The following EPS15 variants were observed in gnomAD, a reference collection of about 807,000 sequenced individuals.
The protein encoded by EPS15 is epidermal growth factor receptor pathway substrate 15, also known as epidermal growth factor receptor substrate 15.
In EPS15, 72 loss-of-function variants were observed where a neutral mutation model predicts 113.8. The observed-to-expected ratio is 0.63, with a 90% confidence interval of 0.52 to 0.77. The LOEUF (loss-of-function observed/expected upper bound fraction) is 0.77. Ranked by LOEUF, EPS15 falls within the 30% of genes least tolerant of loss-of-function variation. EPS15 has a pLI of 0.00. For missense variants in EPS15, 1,048 were observed against 1,045.8 expected (o/e 1.00, Z -0.03); for synonymous variants, 344 against 363.4 (o/e 0.95, Z 0.61).
rs906267422 is a variant in EPS15 at position 51,354,813 on chromosome 1, T to C, written c.*1887A>G. ...TAAACATACATAAGATTAGGATACA[T>C]TTATTACATTGAAAGTTGGTGTTTA... is the stretch of plus-strand genomic sequence containing the variant. On this transcript the variant is annotated 3_prime_UTR_variant, in exon 25 of 25. Coordinates refer to ENST00000371733, the MANE Select transcript of EPS15 (RefSeq NM_001981.3). 1 of 197,700 alleles carries C rather than the reference T, an allele frequency of 5.1e-6. No homozygotes were observed. Among genetic ancestry groups the C allele is most frequent in the African/African-American group, 2.3e-5 (1 of 43,374 alleles). 12.2% of individuals were successfully genotyped at this position (197,700 alleles called of 1,614,324 possible).
chr1:51,456,119 T>C (rs1330524754), intron 8 of EPS15, among the ~76,000 whole-genome samples: 1 of 152,168 alleles, frequency 6.6e-6, no homozygotes, highest in East Asian at 1.9e-4. Flanking sequence ...ACTTCATTTA[T>C]TCTAACTAAA....
At chr1:51,360,335 C>A (rs1570071347) in intron 24 of EPS15, among the ~76,000 whole-genome samples, 2 of 152,078 alleles carry the variant, frequency 1.3e-5, no homozygotes, top group African/African-American at 4.8e-5. Context: ...AAATTTGTTA[C>A]CCGGTCTAAG....
intron 1 of EPS15, among the ~76,000 whole-genome samples, chr1:51,496,284 A>G (rs764796868): frequency 8.5e-5 from 13 of 152,280 alleles, no homozygotes; most frequent in Middle Eastern, 3.4e-3. Context: ...TTTCACTCTT[A>G]ATCATTAAGT....
At chr1:51,365,854 A>G (rs1646495921) in intron 22 of EPS15, 99 bp downstream of exon 22, 1 of 673,008 alleles carries the variant, frequency 1.5e-6, no homozygotes, top group South Asian at 2.2e-5. Flanking sequence ...ACTGAAATCA[A>G]GTTGCAACTT....
chr1:51,395,042 T>C (rs1162380450), intron 20 of EPS15, among the ~76,000 whole-genome samples: 1 of 152,100 alleles, frequency 6.6e-6, no homozygotes, highest in African/African-American at 2.4e-5. Flanking sequence ...GTAATTTTTG[T>C]TATTATTTGT....
At position 51,356,637 on chromosome 1, in the gene EPS15, G is replaced by A; in HGVS notation, c.*63C>T. 1 of 1,436,378 alleles carries A rather than the reference G, an allele frequency of 7.0e-7. No individual in the cohort carries two copies. 89.0% of individuals were successfully genotyped at this position (1,436,378 alleles called of 1,614,324 possible). A position where few individuals can be genotyped will look rare whatever the true frequency, so the allele number is the denominator to read the frequency against. On this transcript the variant is annotated 3_prime_UTR_variant, in exon 25 of 25. Transcript: ENST00000371733. ...CTCACAGGTAGTTTTGATACACATT[G>A]TAAATAGTTTCAGTATTCAGGAAGA...
At chr1:51,485,618 C>G (rs1644105477) in intron 1 of EPS15, among the ~76,000 whole-genome samples, 2 of 152,098 alleles carry the variant, frequency 1.3e-5, no homozygotes, top group African/African-American at 4.8e-5. Context: ...CTCCAGAAAA[C>G]CTTCAGCTTT....
chr1:51,503,965 G>A (rs1644455349), intron 1 of EPS15, among the ~76,000 whole-genome samples: 1 of 152,010 alleles, frequency 6.6e-6, no homozygotes, highest in South Asian at 2.1e-4. Context: ...ATAGATCAAG[G>A]ACCTAGATAT....
intron 2 of EPS15, among the ~76,000 whole-genome samples, chr1:51,475,252 G>A (rs1421300435): frequency 6.6e-6 from 1 of 152,068 alleles, no homozygotes; most frequent in African/African-American, 2.4e-5. Context: ...TTGAGGAATC[G>A]CCACACTGTC....
chr1:51,495,907 G>A (rs745581292), intron 1 of EPS15, among the ~76,000 whole-genome samples: 1 of 152,086 alleles, frequency 6.6e-6, no homozygotes, highest in Non-Finnish European at 1.5e-5. Flanking sequence ...GCTTAGGCAA[G>A]GAGAAAAATA....
chr1:51,503,297 T>C (rs1490061801), intron 1 of EPS15, among the ~76,000 whole-genome samples: 2 of 152,156 alleles, frequency 1.3e-5, no homozygotes, highest in Non-Finnish European at 2.9e-5. Flanking sequence ...GAAATTCAGA[T>C]AGAATTGCAA....
chr1:51,466,033 T>C (rs1047219757), intron 5 of EPS15, among the ~76,000 whole-genome samples: 1 of 146,908 alleles, frequency 6.8e-6, no homozygotes, highest in African/African-American at 2.5e-5. Context: ...AGAGGAGCCA[T>C]AAAATATCTG....
intron 1 of EPS15, among the ~76,000 whole-genome samples, chr1:51,482,752 C>T (rs1264349306): frequency 6.6e-6 from 1 of 152,092 alleles, no homozygotes; most frequent in African/African-American, 2.4e-5. Flanking sequence ...AAGCATGAGC[C>T]ACCACACCCG....
chr1:51,501,217 G>C (rs1644407661), intron 1 of EPS15, among the ~76,000 whole-genome samples: 1 of 151,668 alleles, frequency 6.6e-6, no homozygotes, highest in African/African-American at 2.4e-5. Context: ...AGACCAGCCT[G>C]GCCAACATGG....
intron 20 of EPS15, 24 bp from the exon 21 acceptor site, chr1:51,394,471 G>A: frequency 6.6e-7 from 1 of 1,518,836 alleles, no homozygotes; most frequent in Non-Finnish European, 9.0e-7. Flanking sequence ...ACAAAACCAT[G>A]AATGAGAGAG....
intron 14 of EPS15, among the ~76,000 whole-genome samples, chr1:51,408,911 T>C (rs1292995546): frequency 1.3e-5 from 2 of 151,554 alleles, no homozygotes; most frequent in Non-Finnish European, 2.9e-5. Flanking sequence ...ACCATTCTCC[T>C]GGCTCAGCCT....
intron 1 of EPS15, among the ~76,000 whole-genome samples, chr1:51,504,832 A>T (rs1644470544): frequency 6.6e-6 from 1 of 152,158 alleles, no homozygotes; most frequent in African/African-American, 2.4e-5. Context: ...GCTCTAAAAC[A>T]GTCAGCAGCC....
chr1:51,499,561 T>G (rs936843144), intron 1 of EPS15, among the ~76,000 whole-genome samples: 7 of 152,272 alleles, frequency 4.6e-5, no homozygotes, highest in African/African-American at 1.2e-4. Flanking sequence ...CATCAGCTCA[T>G]TTTACATTCC....
At chr1:51,401,174 C>T (rs150142069) in intron 18 of EPS15, 16 of 385,556 alleles carry the variant, frequency 4.1e-5, no homozygotes, top group African/African-American at 3.4e-4. Context: ...GAAGACATTA[C>T]AGCAAAAATT....
Sources: allele counts gnomAD v4.1 joint callset (sites outside exome capture counted in the v4.1 genomes callset), GRCh38; gene constraint gnomAD v4.1.1; transcripts MANE v1.5; gene names NCBI Gene and HGNC (gene_info 2026-07-23, HGNC 2026-07-21).